Variants in ARHGEF28 observed in about 807,000 individuals in gnomAD.
ARHGEF28 encodes 190 kDa guanine nucleotide exchange factor.
In ARHGEF28, 152 loss-of-function variants were observed where a neutral mutation model predicts 206.6. The ratio of observed to expected loss-of-function variants is 0.74; its 90% confidence interval spans 0.64 to 0.84. ARHGEF28 has a LOEUF of 0.84. Among genes scored for constraint, ARHGEF28 ranks in the 40% least tolerant of loss-of-function variants. ARHGEF28 has a pLI of 0.00. For missense variants in ARHGEF28, 2,028 were observed against 2,073.2 expected (o/e 0.98, Z 0.42); for synonymous variants, 763 against 776.4 (o/e 0.98, Z 0.29).
chr5:73,832,659 C>T (rs1250898639), intron 10 of ARHGEF28, among the ~76,000 whole-genome samples, 200 bp downstream of exon 10: 1 of 152,188 alleles, frequency 6.6e-6, no homozygotes, highest in Non-Finnish European at 1.5e-5. Flanking sequence ...ACACCTTACT[C>T]AACCCAGAGG....
intron 9 of ARHGEF28, among the ~76,000 whole-genome samples, chr5:73,821,246 C>T (rs1756567382): frequency 6.6e-6 from 1 of 152,110 alleles, no homozygotes; most frequent in Non-Finnish European, 1.5e-5. Flanking sequence ...TGGCTTTCAT[C>T]ATTCATTCAG....
chr5:73,663,343 G>A (rs1745736404), intron 1 of ARHGEF28, among the ~76,000 whole-genome samples: 1 of 152,126 alleles, frequency 6.6e-6, no homozygotes, highest in African/African-American at 2.4e-5. Context: ...ATATCTGTGG[G>A]CACTAGGCAC....
At chr5:73,731,936 G>C (rs1316477786) in intron 2 of ARHGEF28, among the ~76,000 whole-genome samples, 1 of 152,008 alleles carries the variant, frequency 6.6e-6, no homozygotes, top group Non-Finnish European at 1.5e-5. Context: ...GATTGAGAGG[G>C]AGAGGGTAGT....
chr5:73,794,304 G>A (rs1247743338), intron 7 of ARHGEF28, 98 bp from the exon 8 acceptor site: 2 of 946,976 alleles, frequency 2.1e-6, no homozygotes, highest in East Asian at 2.7e-5. Flanking sequence ...CTGTGCAGAA[G>A]GCTCCTGGGC....
intron 2 of ARHGEF28, among the ~76,000 whole-genome samples, chr5:73,735,494 C>G (rs1318424013): frequency 6.6e-6 from 1 of 152,118 alleles, no homozygotes; most frequent in Non-Finnish European, 1.5e-5. Flanking sequence ...TATCTCTGGT[C>G]TGCATGTACA....
intron 10 of ARHGEF28, 126 bp downstream of exon 10, chr5:73,832,585 GTTGTGGGGTCTCA>G: frequency 7.7e-7 from 1 of 1,293,622 alleles, no homozygotes; most frequent in Non-Finnish European, 1.1e-6. Context: ...AGAGGATGCT[GTTGTGGGGTCTCA>G]TTGTATGAGC....
intron 7 of ARHGEF28, among the ~76,000 whole-genome samples, chr5:73,784,733 T>C (rs557693646): frequency 6.6e-6 from 1 of 152,310 alleles, no homozygotes; most frequent in East Asian, 1.9e-4. Context: ...TATACTATGT[T>C]TTTTTCTATA....
chr5:73,743,457 G>A (rs1288707425), intron 2 of ARHGEF28, among the ~76,000 whole-genome samples: 3 of 152,124 alleles, frequency 2.0e-5, no homozygotes, highest in Admixed American at 6.5e-5. Context: ...TCTGGAGATG[G>A]ACACCTACTA....
At chr5:73,662,316 C>T (rs1323438237) in intron 1 of ARHGEF28, among the ~76,000 whole-genome samples, 1 of 152,178 alleles carries the variant, frequency 6.6e-6, no homozygotes, top group African/African-American at 2.4e-5. Flanking sequence ...GAAATATGAT[C>T]TGAGAAGGGG....
At chr5:73,797,865 G>A (rs1280710100) in intron 9 of ARHGEF28, among the ~76,000 whole-genome samples, 2 of 152,204 alleles carry the variant, frequency 1.3e-5, no homozygotes, top group African/African-American at 4.8e-5. Context: ...TGTTCCAGTG[G>A]CACCCTCTGT....
intron 9 of ARHGEF28, among the ~76,000 whole-genome samples, chr5:73,824,279 G>T (rs920612246): frequency 2.0e-5 from 3 of 152,166 alleles, no homozygotes; most frequent in African/African-American, 7.2e-5. Context: ...CAATCTGTTT[G>T]TAGCTGAGAC....
intron 1 of ARHGEF28, among the ~76,000 whole-genome samples, chr5:73,631,106 G>A (rs1381631459): frequency 6.6e-6 from 1 of 152,094 alleles, no homozygotes; most frequent in Non-Finnish European, 1.5e-5. Flanking sequence ...TGTAGAAGAG[G>A]GGTGGTATAG....
At chr5:73,709,913 C>A (rs74492809) in intron 2 of ARHGEF28, among the ~76,000 whole-genome samples, 4,108 of 152,220 alleles carry the variant, frequency 0.027, 183 homozygotes, top group African/African-American at 0.093. Context: ...ATAGTTTGTT[C>A]CTTTATATTG....
Position 73,651,301 on chromosome 5 carries a change from A to G in ARHGEF28, c.-12+24979A>G, listed in dbSNP as rs1194477588. ...GACCCCAGTCTGTTTTCTCATTCAT[A>G]AAGTGGGAATAGTAACATTATTTAT... On this transcript the variant is annotated intron_variant, in intron 1 of 35. Transcript: ENST00000513042. 2.6e-5 allele frequency among the ~76,000 whole-genome samples: 4 copies of G among 152,340 alleles called. No individual in the cohort carries two copies. In the East Asian group the frequency reaches 7.7e-4, roughly 29 times the overall value.
At chr5:73,841,139 C>T (rs1422534772) in intron 11 of ARHGEF28, among the ~76,000 whole-genome samples, 2 of 152,114 alleles carry the variant, frequency 1.3e-5, no homozygotes, top group Admixed American at 6.5e-5. Context: ...GCATTTTCCT[C>T]TCGTGTACTA....
chr5:73,907,835 G>A (rs1342759623), intron 33 of ARHGEF28, among the ~76,000 whole-genome samples: 1 of 152,192 alleles, frequency 6.6e-6, no homozygotes, highest in Non-Finnish European at 1.5e-5. Flanking sequence ...TATCCCAAAT[G>A]TTAGATAGAC....
At chr5:73,775,186 G>A (rs897469267) in intron 5 of ARHGEF28, among the ~76,000 whole-genome samples, 2 of 151,966 alleles carry the variant, frequency 1.3e-5, no homozygotes, top group African/African-American at 4.8e-5. Flanking sequence ...GTTCTACTGA[G>A]GTCCTAGAGG....
intron 35 of ARHGEF28, among the ~76,000 whole-genome samples, chr5:73,937,225 A>G (rs1264403588): frequency 6.6e-6 from 1 of 152,190 alleles, no homozygotes; most frequent in African/African-American, 2.4e-5. Context: ...AAATGTGGAT[A>G]CCTGTAATTT....
At chr5:73,774,075 T>C (rs554124639) in intron 5 of ARHGEF28, 37 bp downstream of exon 5, 71 of 1,513,364 alleles carry the variant, frequency 4.7e-5, no homozygotes, top group Non-Finnish European at 5.9e-5. Flanking sequence ...CTCTTATTTG[T>C]ATAAAGTCGG....
Sources: allele counts gnomAD v4.1 joint callset (sites outside exome capture counted in the v4.1 genomes callset), GRCh38; gene constraint gnomAD v4.1.1; transcripts MANE v1.5; gene names NCBI Gene and HGNC (gene_info 2026-07-23, HGNC 2026-07-21).